The following ELOVL2 variants were observed in gnomAD, a reference collection of about 807,000 sequenced individuals.
ELOVL2 encodes ELOVL fatty acid elongase 2.
Under a neutral mutation model 37.7 loss-of-function variants are expected in ELOVL2, and 38 were observed. The observed-to-expected ratio is 1.01, with a 90% CI of 0.78 to 1.32. The LOEUF (loss-of-function observed/expected upper bound fraction) is 1.32. Among genes scored for constraint, ELOVL2 ranks in the 40% most tolerant of loss-of-function variants. The pLI is 0.00. For missense variants in ELOVL2, 352 were observed against 363.6 expected (o/e 0.97, Z 0.26); for synonymous variants, 115 against 122.3 (o/e 0.94, Z 0.40).
rs544747366 is a variant in ELOVL2 at position 10,987,185 on chromosome 6, C to T, written c.765+2518G>A. 2.4e-4 allele frequency among the ~76,000 whole-genome samples: 37 copies of T among 152,178 alleles called. No homozygotes were observed. In the East Asian group the frequency reaches 4.2e-3, roughly 17 times the overall value. ...ATGGTAGTTTGTATTTCTGTGGGAT[C>T]GGTGGTGATATCCCTTTATCATTTT... On this transcript the variant is annotated intron_variant, in intron 7 of 7. Transcript: ENST00000354666.
chr6:11,028,763 G>C (rs1384370622), intron 1 of ELOVL2, among the ~76,000 whole-genome samples: 1 of 151,596 alleles, frequency 6.6e-6, no homozygotes, highest in Non-Finnish European at 1.5e-5. Flanking sequence ...CATTGTACTG[G>C]GCACATTATA....
At chr6:11,026,627 G>A (rs1209573249) in intron 1 of ELOVL2, among the ~76,000 whole-genome samples, 2 of 152,068 alleles carry the variant, frequency 1.3e-5, no homozygotes, top group Non-Finnish European at 2.9e-5. Flanking sequence ...GGAGTTGCAG[G>A]GAAACTGAAG....
At chr6:10,984,256 G>C (rs1213589350) in intron 7 of ELOVL2, among the ~76,000 whole-genome samples, 1 of 152,130 alleles carries the variant, frequency 6.6e-6, no homozygotes, top group Non-Finnish European at 1.5e-5. Context: ...GACCTCAGAT[G>C]ATCCACCCGC....
intron 1 of ELOVL2, among the ~76,000 whole-genome samples, chr6:11,038,282 A>G (rs966852088): frequency 2.0e-5 from 3 of 152,176 alleles, no homozygotes; most frequent in Admixed American, 6.5e-5. Context: ...CTTGAATCAT[A>G]TTTAAGTTAT....
intron 1 of ELOVL2, among the ~76,000 whole-genome samples, chr6:11,014,922 G>A (rs1782647019): frequency 6.6e-6 from 1 of 152,152 alleles, no homozygotes; most frequent in East Asian, 1.9e-4. Context: ...AGACTTGAAC[G>A]CAAATATTCA....
chr6:11,030,940 AT>A (rs1782921763), intron 1 of ELOVL2, among the ~76,000 whole-genome samples: 1 of 152,212 alleles, frequency 6.6e-6, no homozygotes, highest in South Asian at 2.1e-4. Context: ...AATCAACTTG[AT>A]GTCAAGCCTT....
At chr6:10,999,380 C>CTTT (rs34899380) in intron 4 of ELOVL2, among the ~76,000 whole-genome samples, 1 of 142,478 alleles carries the variant, frequency 7.0e-6, no homozygotes. Context: ...AAAGGAAATG[C>CTTT]TTTTTTTTTT....
At chr6:11,000,245 C>T in intron 3 of ELOVL2, 81 bp from the exon 4 acceptor site, 2 of 1,304,466 alleles carry the variant, frequency 1.5e-6, no homozygotes, top group Non-Finnish European at 2.2e-6. Flanking sequence ...ATTCATGTCT[C>T]TGGCATCTGT....
intron 1 of ELOVL2, among the ~76,000 whole-genome samples, chr6:11,037,327 G>GA (rs999734690): frequency 1.7e-4 from 25 of 151,508 alleles, no homozygotes; most frequent in Admixed American, 1.2e-3. Context: ...CCCTGCCAAA[G>GA]AAAAAAAAGG....
chr6:11,000,268 T>C (rs1782359555), intron 3 of ELOVL2, 104 bp from the exon 4 acceptor site: 1 of 1,067,930 alleles, frequency 9.4e-7, no homozygotes, highest in Non-Finnish European at 1.4e-6. Flanking sequence ...AAGGTTTGAG[T>C]AGGAATTTCC....
intron 5 of ELOVL2, among the ~76,000 whole-genome samples, chr6:10,993,321 T>C (rs1581860704): frequency 1.3e-5 from 2 of 152,334 alleles, no homozygotes; most frequent in East Asian, 1.9e-4. Context: ...GTCATCTTCA[T>C]GTAGAGAGCT....
chr6:11,033,749 C>CT (rs1232649752), intron 1 of ELOVL2, among the ~76,000 whole-genome samples: 1 of 152,110 alleles, frequency 6.6e-6, no homozygotes, highest in African/African-American at 2.4e-5. Flanking sequence ...ACCTTTATCA[C>CT]TTTTTTTATC....
intron 1 of ELOVL2, among the ~76,000 whole-genome samples, chr6:11,027,157 ACTGT>A (rs553325328): frequency 1.3e-4 from 20 of 152,304 alleles, no homozygotes; most frequent in Admixed American, 2.6e-4. Context: ...TCTTAAGCTT[ACTGT>A]CTATGTTTTA....
chr6:11,005,553 C>A lies in ELOVL2; in HGVS notation c.74G>T (p.Arg25Leu). The part of the protein sequence containing the change: ...LDNMFGPRDS[R>L]VRGWFMLDSY... Reference sequence around the variant, plus strand: ...GTCCAACATGAACCACCCTCTGACTCGAGAATCTGAAAAGAAACACATACA... The same window carrying A: ...GTCCAACATGAACCACCCTCTGACTAGAGAATCTGAAAAGAAACACATACA... The change falls in exon 3 of 8, where the codon CGA (arginine) becomes CTA (leucine). Residue 25 changes from arginine to leucine, a missense_variant. Physicochemically the swap from Arg to Leu is moderately radical, Grantham distance 102. Coordinates refer to ENST00000354666, the MANE Select transcript of ELOVL2 (RefSeq NM_017770.4). 6.2e-7 allele frequency: 1 copy of A among 1,611,864 alleles called. No individual in the cohort carries two copies. The highest frequency in any genetic ancestry group is 8.5e-7 in the Non-Finnish European group (1 of 1,179,038).
intron 3 of ELOVL2, among the ~76,000 whole-genome samples, chr6:11,004,664 A>G (rs1262740892): frequency 6.6e-6 from 1 of 152,106 alleles, no homozygotes; most frequent in Non-Finnish European, 1.5e-5. Flanking sequence ...ATATATTGGC[A>G]TTTCAGTCAA....
rs1782133131 is a variant in ELOVL2, at chr6:10,990,395, A to T, written c.553T>A (p.Ser185Thr). 1.2e-6 allele frequency: 2 copies of T among 1,611,862 alleles called. No homozygotes were observed. The highest frequency in any genetic ancestry group is 4.5e-5 in the East Asian group (2 of 44,796). Residue 185 changes from serine to threonine, a missense_variant, in exon 6 of 8, where the codon TCC becomes ACC. Ser to Thr is a moderately conservative substitution (Grantham distance 58). Coordinates refer to ENST00000354666, the MANE Select transcript of ELOVL2 (RefSeq NM_017770.4). ...GGAAACACAGAAAGTCCATAGTAGG[A>T]GTACATAAGAATGTGGATAAAACTG... is the stretch of plus-strand genomic sequence containing the variant. ...LNSFIHILMY[S>T]YYGLSVFPSM...
intron 3 of ELOVL2, among the ~76,000 whole-genome samples, chr6:11,003,498 T>C (rs4495264): frequency 0.17 from 26,622 of 152,258 alleles, 2,924 homozygotes; most frequent in Middle Eastern, 0.29. Context: ...TTCTTTTTTA[T>C]GGCTGCATAG....
chr6:11,010,447 T>C (rs1346459506), intron 2 of ELOVL2, among the ~76,000 whole-genome samples: 1 of 152,192 alleles, frequency 6.6e-6, no homozygotes, highest in African/African-American at 2.4e-5. Context: ...CAGCATCCTT[T>C]AGAAGGAAAG....
rs555411206 is a variant in ELOVL2 at position 10,986,765 on chromosome 6, G to A, written c.766-2859C>T. 1.8e-3 allele frequency among the ~76,000 whole-genome samples: 269 copies of A among 152,150 alleles called. 1 individual carries two copies. Among genetic ancestry groups the A allele is most frequent in the African/African-American group, 6.3e-3 (262 of 41,498 alleles). On this transcript the variant is annotated intron_variant, in intron 7 of 7. Transcript: ENST00000354666. ...ATTCGGTTTGCCAGTATTTTATTGA[G>A]GATTTTTGCATCAATGTTCATCAAG...
Sources: allele counts gnomAD v4.1 joint callset (sites outside exome capture counted in the v4.1 genomes callset), GRCh38; gene constraint gnomAD v4.1.1; transcripts MANE v1.5; gene names NCBI Gene and HGNC (gene_info 2026-07-23, HGNC 2026-07-21).